HMGA2: variants seen among roughly 807,000 people sequenced by gnomAD.
HMGA2 encodes high mobility group AT-hook 2.
A neutral mutation model predicts 19.1 loss-of-function variants in HMGA2; 8 were observed. The observed-to-expected ratio is 0.42, with a 90% CI of 0.25 to 0.76. The LOEUF is 0.76. Ranked by LOEUF, HMGA2 falls within the 30% of genes least tolerant of loss-of-function variation. HMGA2 has a pLI of 0.28. For missense variants in HMGA2, 109 were observed against 136.3 expected, an observed-to-expected ratio of 0.80 and a Z score of 1.00; for synonymous variants, 60 against 48.8, an observed-to-expected ratio of 1.23 and a Z score of -0.96.
At chr12:65,862,965 C>T (rs1003522321) in intron 3 of HMGA2, among the ~76,000 whole-genome samples, 5 of 152,352 alleles carry the variant, frequency 3.3e-5, no homozygotes, top group Admixed American at 6.5e-5. Context: ...ACCGTCCACA[C>T]GAACTTACGC....
intron 3 of HMGA2, among the ~76,000 whole-genome samples, chr12:65,879,130 AC>A (rs1289371860): frequency 6.6e-6 from 1 of 152,010 alleles, no homozygotes; most frequent in East Asian, 1.9e-4. Flanking sequence ...AAAAATAAAG[AC>A]TTTTTTTTAT....
chr12:65,909,989 A>G (rs1026916770), intron 3 of HMGA2, among the ~76,000 whole-genome samples: 14 of 152,338 alleles, frequency 9.2e-5, no homozygotes, highest in African/African-American at 3.1e-4. Flanking sequence ...TACTTTCACT[A>G]GGACCAGTAA....
intron 3 of HMGA2, among the ~76,000 whole-genome samples, chr12:65,918,487 T>C (rs1875189035): frequency 6.6e-6 from 1 of 152,210 alleles, no homozygotes; most frequent in South Asian, 2.1e-4. Context: ...TTTTTTATGT[T>C]GAATGCTTGG....
chr12:65,917,640 T>G (rs912235959), intron 3 of HMGA2, among the ~76,000 whole-genome samples: 9 of 151,022 alleles, frequency 6.0e-5, no homozygotes, highest in African/African-American at 2.0e-4. Context: ...GAAAAGGAAT[T>G]GAGAAAAAGA....
intron 2 of HMGA2, among the ~76,000 whole-genome samples, chr12:65,831,580 GATAA>G (rs1870479984): frequency 6.6e-6 from 1 of 151,784 alleles, no homozygotes; most frequent in Admixed American, 6.6e-5. Flanking sequence ...AAAATATCTA[GATAA>G]AGTAGTTATA....
intron 4 of HMGA2, chr12:65,958,313 G>T (rs1260016508): frequency 1.3e-5 from 2 of 152,094 alleles, no homozygotes; most frequent in East Asian, 1.9e-4. Flanking sequence ...TCAACTTATT[G>T]TCTCCTTTTG....
intron 3 of HMGA2, among the ~76,000 whole-genome samples, chr12:65,913,103 T>A (rs1299259273): frequency 2.0e-5 from 3 of 152,124 alleles, no homozygotes; most frequent in Non-Finnish European, 4.4e-5. Flanking sequence ...AACAAAAAGG[T>A]TTTAATTAAT....
At chr12:65,907,628 A>G (rs1176170728) in intron 3 of HMGA2, among the ~76,000 whole-genome samples, 1 of 152,104 alleles carries the variant, frequency 6.6e-6, no homozygotes, top group Non-Finnish European at 1.5e-5. Context: ...GCGATTTGAG[A>G]ATAGGGAACC....
chr12:65,922,673 A>C (rs1380777511), intron 3 of HMGA2, among the ~76,000 whole-genome samples: 1 of 152,094 alleles, frequency 6.6e-6, no homozygotes. Context: ...TTGGTTTTGA[A>C]ATGTGTAGAT....
intron 2 of HMGA2, among the ~76,000 whole-genome samples, chr12:65,837,195 A>G (rs1231273935): frequency 6.6e-6 from 1 of 152,222 alleles, no homozygotes; most frequent in African/African-American, 2.4e-5. Flanking sequence ...GTGAGTTAAC[A>G]TTACAGTCAT....
In HMGA2 at chr12:65,838,998, C is replaced by CTTTTTTTTTTTTTTTTTTTTTTTTTTTT; in HGVS notation, c.249+441_249+442insTTTTTTTTTTTTTTTTTTTTTTTTTTTT. ...TTTCTTTTTCTTTCTTTTTCTTTTT[C>CTTTTTTTTTTTTTTTTTTTTTTTTTTTT]TTTTTTTTTTTTGGTTTTCTCCATG... On this transcript the variant is annotated intron_variant, in intron 3 of 4. Transcript: ENST00000403681. 5.0e-4 allele frequency among the ~76,000 whole-genome samples: 54 copies of CTTTTTTTTTTTTTTTTTTTTTTTTTTTT among 107,162 alleles called. 2 individuals are homozygous for CTTTTTTTTTTTTTTTTTTTTTTTTTTTT. Among genetic ancestry groups the CTTTTTTTTTTTTTTTTTTTTTTTTTTTT allele is most frequent in the East Asian group, 1.1e-3 (4 of 3,602 alleles). 70.3% of individuals were successfully genotyped at this position (107,162 alleles called of 152,430 possible).
At chr12:65,860,044 A>G (rs1387562679) in intron 3 of HMGA2, 3 of 453,036 alleles carry the variant, frequency 6.6e-6, no homozygotes, top group Non-Finnish European at 1.3e-5. Context: ...GTGAGCCATG[A>G]CTGTGCTACT....
chr12:65,879,728 G>A (rs1873263272), intron 3 of HMGA2, among the ~76,000 whole-genome samples: 1 of 152,164 alleles, frequency 6.6e-6, no homozygotes, highest in South Asian at 2.1e-4. Context: ...GGTGAATGTT[G>A]TGTTAAATGT....
intron 2 of HMGA2, among the ~76,000 whole-genome samples, chr12:65,834,983 T>G (rs1038879221): frequency 1.3e-5 from 2 of 152,198 alleles, no homozygotes; most frequent in Non-Finnish European, 2.9e-5. Flanking sequence ...TTGTTGTAAA[T>G]ATTCGCATAA....
At chr12:65,898,644 G>A (rs61921582) in intron 3 of HMGA2, among the ~76,000 whole-genome samples, 11,138 of 152,160 alleles carry the variant, frequency 0.073, 603 homozygotes, top group Non-Finnish European at 0.11. Flanking sequence ...CTATAATCCT[G>A]GTGGTAGCCA....
chr12:65,933,980 C>A (rs1265708160), intron 3 of HMGA2, among the ~76,000 whole-genome samples: 1 of 152,170 alleles, frequency 6.6e-6, no homozygotes, highest in Non-Finnish European at 1.5e-5. Context: ...AGCCACAGAA[C>A]TCTTCTGTAA....
At chr12:65,931,076 T>G (rs1401544336) in intron 3 of HMGA2, among the ~76,000 whole-genome samples, 2 of 152,216 alleles carry the variant, frequency 1.3e-5, no homozygotes, top group Non-Finnish European at 2.9e-5. Context: ...ATGGCAAATC[T>G]GCGTTGAGCT....
intron 3 of HMGA2, among the ~76,000 whole-genome samples, chr12:65,948,239 C>G (rs953540210): frequency 6.6e-6 from 1 of 152,160 alleles, no homozygotes; most frequent in Non-Finnish European, 1.5e-5. Flanking sequence ...AAATATTACT[C>G]ATTTATTAAG....
chr12:65,915,585 C>A, intron 3 of HMGA2: 1 of 1,054,496 alleles, frequency 9.5e-7, no homozygotes, highest in Non-Finnish European at 1.2e-6. Context: ...CTTTCTCATT[C>A]CATTGGTATT....
Sources: gnomAD v4.1 joint callset for allele counts (sites outside exome capture counted in the v4.1 genomes callset) on GRCh38, gnomAD v4.1.1 for gene constraint, MANE v1.5 for transcripts, NCBI Gene and HGNC (gene_info 2026-07-23, HGNC 2026-07-21) for gene names.